The following NIBAN3 variants were observed in gnomAD, a reference collection of about 807,000 sequenced individuals.
The protein encoded by NIBAN3 is protein Niban 3.
Under a neutral mutation model 76.4 loss-of-function variants are expected in NIBAN3, and 66 were observed. That is an observed-to-expected ratio of 0.86 (90% CI 0.71 to 1.06). The LOEUF (loss-of-function observed/expected upper bound fraction) is 1.06. Among genes scored for constraint, NIBAN3 ranks in the 50% least tolerant of loss-of-function variants. NIBAN3 has a pLI of 0.00. For missense variants in NIBAN3, 808 were observed against 810.7 expected (o/e 1.00, Z 0.04); for synonymous variants, 360 against 355.2 (o/e 1.01, Z -0.15).
upstream of NIBAN3, among the ~76,000 whole-genome samples, chr19:17,524,337 G>A (rs2075585145): frequency 6.6e-6 from 1 of 151,944 alleles, no homozygotes; most frequent in Admixed American, 6.6e-5. Flanking sequence ...TCAGGCTGGA[G>A]TGCAGTGGTC....
At chr19:17,523,719 A>G (rs73922229), upstream of NIBAN3, among the ~76,000 whole-genome samples, 3,833 of 151,162 alleles carry the variant, frequency 0.025, 150 homozygotes, top group African/African-American at 0.086. Context: ...GGCCCCTTTC[A>G]CCTCTCCCTC....
chr19:17,536,684 C>G (rs867615150), intron 4 of NIBAN3, among the ~76,000 whole-genome samples: 1 of 152,224 alleles, frequency 6.6e-6, no homozygotes, highest in African/African-American at 2.4e-5. Flanking sequence ...GGATTACAGG[C>G]ATGAGCCACC....
chr19:17,540,239 C>T (rs1015860560), intron 8 of NIBAN3, 153 bp from the exon 9 acceptor site: 12 of 516,874 alleles, frequency 2.3e-5, no homozygotes, highest in Admixed American at 8.4e-5. Context: ...TGACTGGGCC[C>T]GCCCCTCCGA....
intron 13 of NIBAN3, 144 bp downstream of exon 13, chr19:17,546,941 G>T (rs1169504280): frequency 1.6e-5 from 16 of 1,030,550 alleles, no homozygotes; most frequent in Admixed American, 2.6e-5. Context: ...AGGAGGTCCA[G>T]GGTAGAGGAG....
chr19:17,551,994 C>A lies in NIBAN3; in HGVS notation c.*96C>A. ...TGTGCCATCTTTAGGCTTTTGTAAC[C>A]CCTGCAACTTCAGAAAACTGTACCA... On this transcript the variant is annotated 3_prime_UTR_variant, in exon 15 of 15. Transcript: ENST00000599164. The A allele has an allele frequency of 1.7e-6, 1 of 605,850 alleles. No individual in the cohort carries two copies. The highest frequency in any genetic ancestry group is 1.9e-5 in the South Asian group (1 of 51,848). 37.5% of individuals were successfully genotyped at this position (605,850 alleles called of 1,614,324 possible).
intron 4 of NIBAN3, among the ~76,000 whole-genome samples, chr19:17,536,099 A>G (rs1256543080): frequency 2.0e-5 from 3 of 152,108 alleles, no homozygotes; most frequent in African/African-American, 4.8e-5. Flanking sequence ...AACTATTAAC[A>G]GTCATTATCG....
upstream of NIBAN3, chr19:17,523,453 G>A (rs758440430): frequency 6.4e-7 from 1 of 1,564,346 alleles, no homozygotes; most frequent in Non-Finnish European, 8.7e-7. Context: ...GGCCTGACCG[G>A]AAGGAGGTTG....
Position 17,553,600 on chromosome 19 carries a change from C to T in NIBAN3, c.*1702C>T. On this transcript the variant is annotated 3_prime_UTR_variant, in exon 15 of 15. Transcript: ENST00000599164. ...CCTTTCCACCTATTTCCCTCCAACC[C>T]CACCTTCCGAAATACATTTGCTCAA... is the stretch of plus-strand genomic sequence containing the variant. 1.3e-6 allele frequency: 2 copies of T among 1,566,476 alleles called. No individual in the cohort carries two copies. The highest frequency in any genetic ancestry group is 2.7e-5 in the African/African-American group (2 of 74,036).
At chr19:17,553,871 C>CT (rs368209352), downstream of NIBAN3, 69,010 of 141,036 alleles carry the variant, frequency 0.49, 17,664 homozygotes, top group Non-Finnish European at 0.54. Context: ...TTGTTTTTAC[C>CT]TTTTTTTTTT....
In NIBAN3 at chr19:17,542,264, C is replaced by T. The variant is rs756733224; in HGVS notation, c.1299C>T (p.Leu433=). The change falls in exon 10 of 15, where the codon CTC becomes CTT. Residue 433 remains leucine (L), a synonymous_variant. Transcript: ENST00000599164. This position sits in a 1 kb window ranked among gnomAD's most constrained non-coding sequence, Gnocchi z 4.8. ...TTGGCTTTCTGGGGATGCAGAGCCTCGTGTTTGGGGCCCAAGATCTTGCAC... is the reference window on the plus strand; with the variant it reads ...TTGGCTTTCTGGGGATGCAGAGCCTTGTGTTTGGGGCCCAAGATCTTGCAC... The part of the protein sequence containing the change: ...APFGFLGMQS[L]VFGAQDLAQQ... The T allele has an allele frequency of 1.2e-5, 19 of 1,612,746 alleles. No homozygotes were observed. The highest frequency in any genetic ancestry group is 1.5e-5 in the Non-Finnish European group (18 of 1,179,442).
rs2075964175 is a variant in NIBAN3 at position 17,542,128 on chromosome 19, GAGCACAGGTT to G, written c.1171-7_1173del. 6.2e-7 allele frequency: 1 copy of G among 1,614,126 alleles called. No individual in the cohort carries two copies. Among genetic ancestry groups the G allele is most frequent in the Non-Finnish European group, 8.5e-7 (1 of 1,180,022 alleles). ...ATTTTTCCCCCAAAACTGCTTCCGGGAGCACAGGTTTACTCATTTGGGGAGATGCCGTGGG... is the reference window on the plus strand; with the variant it reads ...ATTTTTCCCCCAAAACTGCTTCCGGGTACTCATTTGGGGAGATGCCGTGGG... On this transcript the variant is annotated splice_acceptor_variant and splice_polypyrimidine_tract_variant and coding_sequence_variant and intron_variant, in exon 10 of 15. Transcript: ENST00000599164. LOFTEE classifies it high-confidence loss of function. The surrounding 1 kb of genome is among the most constrained non-coding windows in gnomAD (Gnocchi z 4.8).
chr19:17,528,777 C>A (rs1011540700), intron 1 of NIBAN3, among the ~76,000 whole-genome samples: 8 of 152,142 alleles, frequency 5.3e-5, no homozygotes, highest in Non-Finnish European at 1.2e-4. Context: ...GACCTCATGG[C>A]ACAGAACGGC....
At position 17,532,442 on chromosome 19, in the gene NIBAN3, G is replaced by A. The variant is rs73504251; in HGVS notation, c.312+54G>A. The A allele has an allele frequency of 3.8e-3, 6,091 of 1,613,264 alleles. 206 individuals are homozygous for A. In the African/African-American group the frequency reaches 0.072, roughly 19 times the overall value. On this transcript the variant is annotated intron_variant, in intron 3 of 14. Transcript: ENST00000599164. ...TTCTGGGTCCCTCCTTCCCACCCCC[G>A]TCAGCCTCAAGGTTTGTGGGATCCA...
Position 17,552,181 on chromosome 19 carries a change from C to T in NIBAN3, c.*283C>T, listed in dbSNP as rs931549174. The T allele has an allele frequency of 6.6e-5, 13 of 195,986 alleles. No individual in the cohort carries two copies. Among genetic ancestry groups the T allele is most frequent in the East Asian group, 4.7e-4 (4 of 8,542 alleles). The allele number at this position is 195,986 out of a possible 1,614,324, so 12.1% of individuals were successfully genotyped here. A position where few individuals can be genotyped will look rare whatever the true frequency, so the allele number is the denominator to read the frequency against. On this transcript the variant is annotated 3_prime_UTR_variant, in exon 15 of 15. Transcript: ENST00000599164. ...GCAACCTCCGCCTCCCGGGTTCAAGCGATTCTCCTGCCTCAGCCTCCCGAG... is the reference window on the plus strand; with the variant it reads ...GCAACCTCCGCCTCCCGGGTTCAAGTGATTCTCCTGCCTCAGCCTCCCGAG...
chr19:17,534,848 G>A (rs970280444), intron 4 of NIBAN3, among the ~76,000 whole-genome samples: 8 of 151,628 alleles, frequency 5.3e-5, no homozygotes, highest in Admixed American at 6.6e-5. Context: ...TCCAATTCCA[G>A]GCATGTGCCT....
In NIBAN3 at chr19:17,530,869, A is replaced by G. The variant is rs1265735284; in HGVS notation, c.170A>G (p.Gln57Arg). Reference protein sequence around the residue: ...ELGPQEPTGSQLLRSKKLPRV... With the variant: ...ELGPQEPTGSRLLRSKKLPRV... ...GGCCCTCAGGAGCCGACCGGAAGCC[A>G]GTTGCTACGCAGCAAAGTGGGTGTT... is the stretch of plus-strand genomic sequence containing the variant. The change falls in exon 2 of 15, where the codon CAG becomes CGG. Residue 57 changes from glutamine to arginine, a missense_variant. Physicochemically the swap from Gln to Arg is conservative, Grantham distance 43. Coordinates refer to ENST00000599164, the MANE Select transcript of NIBAN3 (RefSeq NM_001321827.2). 2 of 1,613,230 alleles carry G rather than the reference A, an allele frequency of 1.2e-6. No homozygotes were observed. Among genetic ancestry groups the G allele is most frequent in the Non-Finnish European group, 1.7e-6 (2 of 1,179,798 alleles).
rs2075982495 is a variant in NIBAN3, at chr19:17,542,927, A to C, written c.1330-390A>C. On this transcript the variant is annotated intron_variant, in intron 10 of 14. Transcript: ENST00000599164. This position sits in a 1 kb window ranked among gnomAD's most constrained non-coding sequence, Gnocchi z 4.8. Reference sequence around the variant, plus strand: ...TAAGTGTTTTGAAGTCTGAGATGGGACCTGCTGATGGACATGGTGACAGAA... The same window carrying C: ...TAAGTGTTTTGAAGTCTGAGATGGGCCCTGCTGATGGACATGGTGACAGAA... Among the ~76,000 whole-genome samples the C allele has an allele frequency of 6.6e-6, 1 of 152,094 alleles. No homozygotes were observed. Among genetic ancestry groups the C allele is most frequent in the Non-Finnish European group, 1.5e-5 (1 of 67,994 alleles).
In NIBAN3 at chr19:17,553,061, G is replaced by T. The variant is rs1020658018; in HGVS notation, c.*1163G>T. On this transcript the variant is annotated 3_prime_UTR_variant, in exon 15 of 15. Coordinates refer to ENST00000599164, the MANE Select transcript of NIBAN3 (RefSeq NM_001321827.2). ...CTGCACTCCAGCCTGGGTGATGGGA[G>T]TGAGACCCTGTCTCAAAAAACAAAA... 2.6e-6 allele frequency: 1 copy of T among 389,244 alleles called. No individual in the cohort carries two copies. The highest frequency in any genetic ancestry group is 4.5e-6 in the Non-Finnish European group (1 of 221,686). 24.1% of individuals were successfully genotyped at this position (389,244 alleles called of 1,614,324 possible).
Position 17,551,818 on chromosome 19 carries a change from G to T in NIBAN3, c.1783G>T (p.Ala595Ser), listed in dbSNP as rs761323880. The T allele has an allele frequency of 1.3e-6, 1 of 780,126 alleles. No homozygotes were observed. Among genetic ancestry groups the T allele is most frequent in the South Asian group, 1.3e-5 (1 of 74,580 alleles). 48.3% of individuals were successfully genotyped at this position (780,126 alleles called of 1,614,324 possible). A position where few individuals can be genotyped will look rare whatever the true frequency, so the allele number is the denominator to read the frequency against. Residue 595 changes from alanine (A) to serine (S), a missense_variant, in exon 15 of 15, where the codon GCT (alanine) becomes TCT (serine). By Grantham distance (99) the Ala-to-Ser change is moderately conservative (BLOSUM62 1). Coordinates refer to ENST00000599164, the MANE Select transcript of NIBAN3 (RefSeq NM_001321827.2). The stretch of plus-strand genomic sequence containing the variant: ...AACTGAGGCTGAGCGGGAAGGAGGG[G>T]CTTGTCCCAGGCAGCCAGACTCTGG... ...EETEAEREGG[A>S]CPRQPDSGAQ...
Sources: gnomAD v4.1 joint callset for allele counts (sites outside exome capture counted in the v4.1 genomes callset) on GRCh38, gnomAD v4.1.1 for gene constraint, Gnocchi (gnomAD v3.1) non-coding constraint, MANE v1.5 for transcripts, NCBI Gene and HGNC (gene_info 2026-07-23, HGNC 2026-07-21) for gene names.